The following CEP112 variants were observed in gnomAD, a reference collection of about 807,000 sequenced individuals.
The protein encoded by CEP112 is centrosomal protein of 112 kDa.
In CEP112, 127 loss-of-function variants were observed where a neutral mutation model predicts 153.0. That is an observed-to-expected ratio of 0.83 (90% CI 0.72 to 0.96). CEP112 has a LOEUF of 0.96. CEP112 is among the 40% of genes least tolerant of loss of function. The pLI is 0.00. For missense variants in CEP112, 1,089 were observed against 1,101.2 expected, an observed-to-expected ratio of 0.99 and a Z score of 0.16; for synonymous variants, 358 against 374.4, an observed-to-expected ratio of 0.96 and a Z score of 0.51.
At chr17:66,104,155 G>A (rs1349437965) in intron 6 of CEP112, among the ~76,000 whole-genome samples, 1 of 152,178 alleles carries the variant, frequency 6.6e-6, no homozygotes, top group Non-Finnish European at 1.5e-5. Flanking sequence ...ACCAGCCAGG[G>A]TAGCCAAGAG....
At chr17:65,855,487 G>T (rs932629915) in intron 20 of CEP112, among the ~76,000 whole-genome samples, 5 of 152,142 alleles carry the variant, frequency 3.3e-5, no homozygotes, top group African/African-American at 9.7e-5. Flanking sequence ...CCGACCAGCA[G>T]GTTTTCCTGA....
chr17:66,028,015 GT>G (rs2065294585), intron 15 of CEP112, among the ~76,000 whole-genome samples: 2 of 151,390 alleles, frequency 1.3e-5, no homozygotes, highest in African/African-American at 4.9e-5. Context: ...AGATTGGCAG[GT>G]AATTTAAAAG....
At chr17:65,946,041 G>T (rs2061639265) in intron 18 of CEP112, among the ~76,000 whole-genome samples, 1 of 152,218 alleles carries the variant, frequency 6.6e-6, no homozygotes, top group South Asian at 2.1e-4. Context: ...TTTGAAGTCA[G>T]CCCTTATTGA....
intron 23 of CEP112, among the ~76,000 whole-genome samples, chr17:65,740,337 C>G (rs900244059): frequency 6.6e-6 from 1 of 152,120 alleles, no homozygotes; most frequent in Non-Finnish European, 1.5e-5. Context: ...GAACAAGCAT[C>G]TTTTTGATTA....
chr17:66,026,139 G>C (rs1193985033), intron 16 of CEP112, among the ~76,000 whole-genome samples: 1 of 152,038 alleles, frequency 6.6e-6, no homozygotes, highest in African/African-American at 2.4e-5. Flanking sequence ...GGAAGGGTGG[G>C]AGGTTAGGAG....
intron 2 of CEP112, 108 bp from the exon 3 acceptor site, chr17:66,177,128 A>C (rs2072513987): frequency 1.2e-6 from 1 of 861,004 alleles, no homozygotes; most frequent in Non-Finnish European, 1.8e-6. Flanking sequence ...GGACCAACAA[A>C]CCTTTTCTGT....
At chr17:65,663,198 C>T (rs1328798182) in intron 24 of CEP112, among the ~76,000 whole-genome samples, 7 of 152,122 alleles carry the variant, frequency 4.6e-5, no homozygotes, top group Admixed American at 3.9e-4. Context: ...AATACTAAGA[C>T]AGGTGAAACC....
At chr17:65,708,030 G>A (rs2048999584) in intron 23 of CEP112, among the ~76,000 whole-genome samples, 1 of 152,184 alleles carries the variant, frequency 6.6e-6, no homozygotes, top group South Asian at 2.1e-4. Context: ...CTTTGCTAAT[G>A]AATCATGCCT....
At chr17:66,085,959 G>T (rs79996605) in intron 8 of CEP112, among the ~76,000 whole-genome samples, 3 of 116,118 alleles carry the variant, frequency 2.6e-5, no homozygotes, top group African/African-American at 1.0e-4. Flanking sequence ...CCTGGGTGAC[G>T]ACAGAGCGAG....
intron 12 of CEP112, chr17:66,043,058 G>T (rs568210033): frequency 2.0e-6 from 2 of 975,756 alleles, no homozygotes; most frequent in African/African-American, 1.8e-5. Context: ...GATGTCTAAG[G>T]CTTTTGGCAC....
intron 21 of CEP112, among the ~76,000 whole-genome samples, chr17:65,806,656 T>C (rs757790271): frequency 1.3e-5 from 2 of 152,160 alleles, no homozygotes; most frequent in Non-Finnish European, 2.9e-5. Context: ...GGTTTAAAAA[T>C]GTGTGGCACT....
intron 21 of CEP112, among the ~76,000 whole-genome samples, chr17:65,841,009 A>T (rs2057496586): frequency 6.6e-6 from 1 of 152,070 alleles, no homozygotes; most frequent in South Asian, 2.1e-4. Context: ...ACAAATGCTT[A>T]TGAGGATGCA....
intron 23 of CEP112, among the ~76,000 whole-genome samples, chr17:65,741,680 T>C (rs2145144678): frequency 6.6e-6 from 1 of 152,092 alleles, no homozygotes; most frequent in South Asian, 2.1e-4. Context: ...TTTTTGCTTA[T>C]ATTTAGATTT....
chr17:65,932,347 G>C (rs545077104), intron 18 of CEP112, among the ~76,000 whole-genome samples: 3 of 152,074 alleles, frequency 2.0e-5, no homozygotes, highest in Non-Finnish European at 2.9e-5. Flanking sequence ...AGTACACAAA[G>C]ATTACAAAAA....
intron 18 of CEP112, among the ~76,000 whole-genome samples, chr17:65,947,002 C>T (rs2024520): frequency 2.0e-5 from 3 of 151,836 alleles, no homozygotes; most frequent in Admixed American, 6.6e-5. Context: ...CTGGTAGGTA[C>T]GAATAAAATG....
intron 12 of CEP112, among the ~76,000 whole-genome samples, chr17:66,040,039 C>T (rs7221772): frequency 0.93 from 141,261 of 152,266 alleles, 65,750 homozygotes; most frequent in East Asian, 0.97. Flanking sequence ...TTATGATGCA[C>T]ACATGTACAG....
chr17:65,672,067 CATT>C (rs1274751920), intron 24 of CEP112, among the ~76,000 whole-genome samples: 2 of 152,124 alleles, frequency 1.3e-5, no homozygotes, highest in African/African-American at 4.8e-5. Flanking sequence ...ACTGAAAGAT[CATT>C]AGAAGTAATG....
At chr17:65,979,476 G>A (rs1224868072) in intron 17 of CEP112, among the ~76,000 whole-genome samples, 1 of 152,084 alleles carries the variant, frequency 6.6e-6, no homozygotes, top group Non-Finnish European at 1.5e-5. Flanking sequence ...CTGGCCTCAA[G>A]CAATCCTCCC....
intron 21 of CEP112, among the ~76,000 whole-genome samples, chr17:65,822,065 A>G (rs2056615371): frequency 1.3e-5 from 2 of 151,970 alleles, no homozygotes; most frequent in African/African-American, 2.4e-5. Context: ...TTTAGCATAC[A>G]TGCATATATA....
Sources: gnomAD v4.1 joint callset for allele counts (sites outside exome capture counted in the v4.1 genomes callset) on GRCh38, gnomAD v4.1.1 for gene constraint, MANE v1.5 for transcripts, NCBI Gene and HGNC (gene_info 2026-07-23, HGNC 2026-07-21) for gene names.